The following GRM5 variants were observed in gnomAD, a reference collection of about 807,000 sequenced individuals.
GRM5 encodes glutamate metabotropic receptor 5, also known as metabotropic glutamate receptor 5.
GRM5 carries 19 observed loss-of-function variants against 83.1 expected under a neutral mutation model. The ratio of observed to expected loss-of-function variants is 0.23; its 90% confidence interval spans 0.16 to 0.34. The LOEUF is 0.34. Among genes scored for constraint, GRM5 ranks in the 10% least tolerant of loss-of-function variants. The pLI is 1.00. For missense variants in GRM5, 1,160 were observed against 1,588.3 expected (o/e 0.73, Z 4.58); for synonymous variants, 675 against 633.6 (o/e 1.07, Z -0.98).
chr11:88,609,341 G>A lies in GRM5; in HGVS notation c.1148-4377C>T, dbSNP rs191555977. ...GGACATGATTTTGTTTGGCTGTTTAGTATTTCATGGTGTATATGTACCATG... is the reference window on the plus strand; with the variant it reads ...GGACATGATTTTGTTTGGCTGTTTAATATTTCATGGTGTATATGTACCATG... On this transcript the variant is annotated intron_variant, in intron 4 of 9. Coordinates refer to ENST00000305447, the MANE Select transcript of GRM5 (RefSeq NM_001143831.3). Among the ~76,000 whole-genome samples, 3 of 152,258 alleles carry A rather than the reference G, an allele frequency of 2.0e-5. No individual in the cohort carries two copies. The East Asian group carries it at 5.8e-4, about 29-fold the overall frequency.
chr11:88,590,551 C>A, intron 7 of GRM5, 50 bp downstream of exon 7: 3 of 1,535,170 alleles, frequency 2.0e-6, no homozygotes, highest in Non-Finnish European at 2.7e-6. Flanking sequence ...TCTCCCACGT[C>A]TGCACCATTT....
At chr11:88,661,151 A>C (rs903778074) in intron 3 of GRM5, among the ~76,000 whole-genome samples, 4 of 152,122 alleles carry the variant, frequency 2.6e-5, no homozygotes, top group Admixed American at 6.6e-5. Flanking sequence ...GTAGACTACA[A>C]ATTTTATACT....
chr11:88,606,744 T>C (rs1938152947), intron 4 of GRM5, among the ~76,000 whole-genome samples: 1 of 152,066 alleles, frequency 6.6e-6, no homozygotes, highest in African/African-American at 2.4e-5. Flanking sequence ...GAAGAAAATG[T>C]TCCTGCCTGT....
chr11:88,863,648 G>A (rs1266764825), intron 2 of GRM5, among the ~76,000 whole-genome samples: 1 of 129,808 alleles, frequency 7.7e-6, no homozygotes, highest in Non-Finnish European at 1.7e-5. Context: ...ATAGCCTAAA[G>A]AGCATAAAAA....
At chr11:88,616,542 G>T (rs946948452) in intron 4 of GRM5, among the ~76,000 whole-genome samples, 1 of 152,004 alleles carries the variant, frequency 6.6e-6, no homozygotes, top group African/African-American at 2.4e-5. Context: ...GATTATGGTA[G>T]CTTAGTCCGG....
chr11:88,769,102 G>T (rs192785840), intron 3 of GRM5, among the ~76,000 whole-genome samples: 1 of 152,002 alleles, frequency 6.6e-6, no homozygotes, highest in Non-Finnish European at 1.5e-5. Flanking sequence ...ATAGGGATAT[G>T]GGGTAACAAT....
chr11:88,932,011 AGATT>A (rs1937723141), intron 2 of GRM5, among the ~76,000 whole-genome samples: 1 of 152,122 alleles, frequency 6.6e-6, no homozygotes, highest in Non-Finnish European at 1.5e-5. Context: ...ACTGTTTTTA[AGATT>A]GACCCGTCTC....
intron 2 of GRM5, among the ~76,000 whole-genome samples, chr11:88,971,483 C>A (rs1263125457): frequency 1.3e-5 from 2 of 152,030 alleles, no homozygotes; most frequent in Non-Finnish European, 2.9e-5. Context: ...TTCTTTGCAT[C>A]CATATGTACT....
intron 3 of GRM5, among the ~76,000 whole-genome samples, chr11:88,665,961 A>G (rs1183105681): frequency 1.3e-5 from 2 of 152,202 alleles, no homozygotes; most frequent in Admixed American, 6.5e-5. Context: ...CAGAAGCACC[A>G]GGTGAGCTTT....
intron 3 of GRM5, among the ~76,000 whole-genome samples, chr11:88,697,256 G>A (rs1471059299): frequency 6.6e-6 from 1 of 152,186 alleles, no homozygotes; most frequent in East Asian, 1.9e-4. Context: ...AATGTGAAGA[G>A]CAGCTGACAG....
intron 3 of GRM5, among the ~76,000 whole-genome samples, chr11:88,813,004 T>C (rs958384947): frequency 2.0e-5 from 3 of 152,162 alleles, no homozygotes; most frequent in African/African-American, 7.2e-5. Context: ...TACCTCCCTA[T>C]CACTCATCCT....
At chr11:88,956,612 C>G (rs1019563999) in intron 2 of GRM5, among the ~76,000 whole-genome samples, 8 of 151,978 alleles carry the variant, frequency 5.3e-5, no homozygotes, top group African/African-American at 1.7e-4. Flanking sequence ...CGAGACCATC[C>G]TGGCTAACAC....
chr11:89,034,776 C>T (rs866377417), intron 2 of GRM5, among the ~76,000 whole-genome samples: 4 of 150,280 alleles, frequency 2.7e-5, no homozygotes, highest in African/African-American at 9.8e-5. Flanking sequence ...TCTCTCAAAA[C>T]ACAAGTTTTA....
intron 4 of GRM5, among the ~76,000 whole-genome samples, chr11:88,626,188 A>G (rs1385253338): frequency 6.6e-6 from 1 of 152,230 alleles, no homozygotes; most frequent in African/African-American, 2.4e-5. Flanking sequence ...GCAGAGAAGC[A>G]CTACTGCTAC....
intron 2 of GRM5, among the ~76,000 whole-genome samples, chr11:89,031,593 A>C (rs1941264589): frequency 6.6e-6 from 1 of 152,020 alleles, no homozygotes; most frequent in Non-Finnish European, 1.5e-5. Context: ...GTAAAATGAA[A>C]AAATGCAAAC....
At chr11:88,594,414 C>T (rs910936502) in intron 6 of GRM5, among the ~76,000 whole-genome samples, 1 of 152,166 alleles carries the variant, frequency 6.6e-6, no homozygotes, top group South Asian at 2.1e-4. Context: ...AACTCAGCAA[C>T]TCAGCTATCC....
intron 3 of GRM5, among the ~76,000 whole-genome samples, chr11:88,725,344 C>T (rs200313119): frequency 1.3e-5 from 2 of 152,166 alleles, no homozygotes; most frequent in Non-Finnish European, 2.9e-5. Flanking sequence ...GATTACTCCT[C>T]ACTGGTCAGG....
chr11:88,913,633 C>T (rs1032717841), intron 2 of GRM5, among the ~76,000 whole-genome samples: 2 of 134,956 alleles, frequency 1.5e-5, no homozygotes, highest in African/African-American at 5.6e-5. Context: ...GTCACCCAGG[C>T]TGGAGTGCAG....
At chr11:88,538,696 G>A (rs1942193507) in intron 8 of GRM5, among the ~76,000 whole-genome samples, 1 of 152,174 alleles carries the variant, frequency 6.6e-6, no homozygotes, top group African/African-American at 2.4e-5. Context: ...CACTTACTGA[G>A]CACTTGGAAT....
Sources: gnomAD v4.1 joint callset for allele counts (sites outside exome capture counted in the v4.1 genomes callset) on GRCh38, gnomAD v4.1.1 for gene constraint, MANE v1.5 for transcripts, NCBI Gene and HGNC (gene_info 2026-07-23, HGNC 2026-07-21) for gene names.